ROBO1: variants seen among roughly 807,000 people sequenced by gnomAD.
ROBO1 encodes roundabout guidance receptor 1.
ROBO1 carries 149 observed loss-of-function variants against 195.9 expected under a neutral mutation model. The ratio of observed to expected loss-of-function variants is 0.76; its 90% CI spans 0.67 to 0.87. The LOEUF (loss-of-function observed/expected upper bound fraction) is 0.87. ROBO1 is among the 40% of genes least tolerant of loss of function. The pLI is 0.00. For missense variants in ROBO1, 1,933 were observed against 2,068.3 expected (o/e 0.93, Z 1.27); for synonymous variants, 816 against 733.2 (o/e 1.11, Z -1.82).
At chr3:79,587,639 A>G (rs548517666) in intron 2 of ROBO1, among the ~76,000 whole-genome samples, 1 of 151,858 alleles carries the variant, frequency 6.6e-6, no homozygotes, top group South Asian at 2.1e-4. Flanking sequence ...TTTAAAAGAC[A>G]CTAATATTTT....
chr3:78,634,691 A>G (rs1468310648), intron 23 of ROBO1: 1 of 155,076 alleles, frequency 6.4e-6, no homozygotes, highest in African/African-American at 2.4e-5. Flanking sequence ...GATTACAGAA[A>G]CTGTCCTGTT....
At chr3:79,230,935 T>A (rs2108850975) in intron 2 of ROBO1, among the ~76,000 whole-genome samples, 1 of 152,256 alleles carries the variant, frequency 6.6e-6, no homozygotes, top group East Asian at 1.9e-4. Context: ...AACTACCAGA[T>A]CTTTGACAAA....
At chr3:79,560,224 T>C (rs889935556) in intron 2 of ROBO1, among the ~76,000 whole-genome samples, 1 of 151,690 alleles carries the variant, frequency 6.6e-6, no homozygotes, top group African/African-American at 2.4e-5. Context: ...TGAGTTCATG[T>C]CCTTTGTAGG....
rs184573254 is a variant in ROBO1, at chr3:78,825,688, A to G, written c.500-78788T>C. On this transcript the variant is annotated intron_variant, in intron 4 of 30. Coordinates refer to ENST00000464233, the MANE Select transcript of ROBO1 (RefSeq NM_002941.4). ...TAACAGAATCCCTACCTGACAACAT[A>G]CATTACCTATATGTCAGCTCTGTTT... Among the ~76,000 whole-genome samples the G allele has an allele frequency of 2.2e-4, 34 of 152,334 alleles. No individual in the cohort carries two copies. The East Asian group carries it at 6.4e-3, about 29-fold the overall frequency.
At chr3:79,149,467 A>G (rs2080719915) in intron 2 of ROBO1, among the ~76,000 whole-genome samples, 1 of 151,770 alleles carries the variant, frequency 6.6e-6, no homozygotes, top group Non-Finnish European at 1.5e-5. Context: ...CATCCTAGCA[A>G]TATCTGTCTC....
chr3:78,860,122 CATAGGTAGGTAG>C (rs1173826098), intron 4 of ROBO1, among the ~76,000 whole-genome samples: 1 of 140,726 alleles, frequency 7.1e-6, no homozygotes, highest in East Asian at 2.0e-4. Flanking sequence ...AAGAAGGGAA[CATAGGTAGGTAG>C]ATAGGTAGAT....
intron 5 of ROBO1, among the ~76,000 whole-genome samples, chr3:78,725,047 G>T (rs2108139041): frequency 6.6e-6 from 1 of 152,246 alleles, no homozygotes; most frequent in South Asian, 2.1e-4. Flanking sequence ...TGGAGAAGCA[G>T]AACATGTTAA....
intron 3 of ROBO1, among the ~76,000 whole-genome samples, chr3:79,087,052 A>G (rs2079383558): frequency 1.3e-5 from 2 of 152,054 alleles, no homozygotes; most frequent in Admixed American, 6.6e-5. Context: ...TAAAAATTAT[A>G]AAAATAATCA....
intron 4 of ROBO1, among the ~76,000 whole-genome samples, chr3:78,821,362 C>T (rs1400262235): frequency 1.3e-5 from 2 of 151,814 alleles, no homozygotes; most frequent in African/African-American, 4.8e-5. Context: ...GATGGGGTTT[C>T]ACCATGTTGG....
intron 3 of ROBO1, among the ~76,000 whole-genome samples, chr3:79,062,030 C>T (rs919818707): frequency 2.6e-5 from 4 of 151,966 alleles, no homozygotes; most frequent in African/African-American, 7.3e-5. Context: ...AGCTTCTGCA[C>T]AGGAAAATCA....
intron 2 of ROBO1, among the ~76,000 whole-genome samples, chr3:79,152,899 AG>A (rs1400040900): frequency 6.6e-6 from 1 of 151,784 alleles, no homozygotes; most frequent in African/African-American, 2.4e-5. Context: ...GCATGTTCAA[AG>A]GTCCTGAGTT....
At chr3:79,175,903 A>G (rs1397889242) in intron 2 of ROBO1, among the ~76,000 whole-genome samples, 1 of 152,208 alleles carries the variant, frequency 6.6e-6, no homozygotes, top group Non-Finnish European at 1.5e-5. Context: ...AACTGAGAAA[A>G]ATAAAAATTA....
chr3:78,625,803 A>G (rs1311501278), intron 26 of ROBO1, among the ~76,000 whole-genome samples: 1 of 152,160 alleles, frequency 6.6e-6, no homozygotes, highest in East Asian at 1.9e-4. Flanking sequence ...GCAAAACGTT[A>G]TAAGCCAGAA....
intron 3 of ROBO1, among the ~76,000 whole-genome samples, chr3:78,996,207 C>T (rs566914097): frequency 6.6e-6 from 1 of 152,056 alleles, no homozygotes; most frequent in East Asian, 1.9e-4. Context: ...TCTCCCAAGC[C>T]AGGCACGGTG....
Position 79,693,584 on chromosome 3 carries a change from A to G in ROBO1, c.-51+74168T>C, listed in dbSNP as rs929458520. On this transcript the variant is annotated intron_variant, in intron 1 of 30. Transcript: ENST00000464233. ...GTAGGTAGGGCTACAGTTGTACACT[A>G]CCATGCTTGCCTAATTTTTATAATT... is the stretch of plus-strand genomic sequence containing the variant. Among the ~76,000 whole-genome samples the G allele has an allele frequency of 5.9e-5, 9 of 151,530 alleles. No individual in the cohort carries two copies. The East Asian group carries it at 1.8e-3, about 30-fold the overall frequency.
Position 79,534,489 on chromosome 3 carries a change from CCTT to C in ROBO1, c.88+55332_88+55334del, listed in dbSNP as rs199686768. 4.8e-3 allele frequency among the ~76,000 whole-genome samples: 735 copies of C among 152,160 alleles called. 17 individuals carry two copies. Among genetic ancestry groups the C allele is most frequent in the Admixed American group, 0.044 (667 of 15,250 alleles). ...TTAGCTAACATCATGAAAGTCAAGACCTTCTGAGTATATTGTTAGATTCAATTC... is the reference window on the plus strand; with the variant it reads ...TTAGCTAACATCATGAAAGTCAAGACCTGAGTATATTGTTAGATTCAATTC... On this transcript the variant is annotated intron_variant, in intron 2 of 30. Transcript: ENST00000464233.
At chr3:79,245,781 G>C (rs1267308310) in intron 2 of ROBO1, among the ~76,000 whole-genome samples, 2 of 151,898 alleles carry the variant, frequency 1.3e-5, no homozygotes, top group Non-Finnish European at 2.9e-5. Flanking sequence ...CCTACACAGA[G>C]TCAAATCTAA....
intron 10 of ROBO1, among the ~76,000 whole-genome samples, chr3:78,677,782 A>G (rs1012169129): frequency 3.9e-5 from 6 of 152,178 alleles, no homozygotes; most frequent in Non-Finnish European, 8.8e-5. Flanking sequence ...GAAAGTTAAC[A>G]AGCATACCCA....
chr3:78,808,867 A>T (rs1393767248), intron 4 of ROBO1, among the ~76,000 whole-genome samples: 8 of 152,342 alleles, frequency 5.3e-5, no homozygotes, highest in East Asian at 3.9e-4. Context: ...TAAAGACTTA[A>T]AAGTAAGAGC....
Sources: gnomAD v4.1 joint callset for allele counts (sites outside exome capture counted in the v4.1 genomes callset) on GRCh38, gnomAD v4.1.1 for gene constraint, MANE v1.5 for transcripts, NCBI Gene and HGNC (gene_info 2026-07-23, HGNC 2026-07-21) for gene names.